The following FGD5 variants were observed in gnomAD, a reference collection of about 807,000 sequenced individuals.
FGD5 encodes FYVE, RhoGEF and PH domain-containing protein 5.
FGD5 carries 28 observed loss-of-function variants against 133.4 expected under a neutral mutation model. That is an observed-to-expected ratio of 0.21 (90% CI 0.16 to 0.29). The LOEUF is 0.29. Ranked by LOEUF, FGD5 falls within the 10% of genes least tolerant of loss-of-function variation. The pLI, the probability that FGD5 is intolerant of heterozygous loss-of-function variation, is 1.00. For missense variants in FGD5, 1,858 were observed against 1,895.2 expected (o/e 0.98, Z 0.36); for synonymous variants, 810 against 776.5 (o/e 1.04, Z -0.72).
chr3:14,891,002 A>G (rs1284844100), intron 4 of FGD5, among the ~76,000 whole-genome samples: 5 of 152,180 alleles, frequency 3.3e-5, no homozygotes, highest in Non-Finnish European at 7.4e-5. Context: ...CCTATCTAGC[A>G]TCTGGGCTTG....
chr3:14,921,784 C>T (rs2038684820), intron 13 of FGD5, 134 bp from the exon 14 acceptor site: 4 of 771,368 alleles, frequency 5.2e-6, no homozygotes, highest in South Asian at 1.6e-5. Flanking sequence ...GTGATCTCTT[C>T]TTTGCTGGTG....
chr3:14,898,899 A>G, intron 7 of FGD5, 73 bp downstream of exon 7: 1 of 1,355,268 alleles, frequency 7.4e-7, no homozygotes, highest in Non-Finnish European at 1.0e-6. Context: ...GGTGGAGGGG[A>G]CTGTGGTGAC....
At chr3:14,840,208 G>A (rs957487225) in intron 1 of FGD5, among the ~76,000 whole-genome samples, 1 of 151,424 alleles carries the variant, frequency 6.6e-6, no homozygotes, top group Admixed American at 6.6e-5. Context: ...GCAGTGGTGC[G>A]ATCTCAGCTT....
In FGD5 at chr3:14,900,986, T is replaced by G; in HGVS notation, c.3206-17T>G. 1 of 1,614,004 alleles carries G rather than the reference T, an allele frequency of 6.2e-7. No individual in the cohort carries two copies. The highest frequency in any genetic ancestry group is 8.5e-7 in the Non-Finnish European group (1 of 1,179,860). On this transcript the variant is annotated splice_polypyrimidine_tract_variant and intron_variant, in intron 8 of 19. Coordinates refer to ENST00000285046, the MANE Select transcript of FGD5 (RefSeq NM_152536.4). ...CCTCTTGCAATGGCCCAACTCCTGC[T>G]CTGTGTCCCTCCCCAGGTGCACTGA... is the stretch of plus-strand genomic sequence containing the variant.
chr3:14,866,967 C>G (rs930612406), intron 2 of FGD5, among the ~76,000 whole-genome samples: 3 of 152,200 alleles, frequency 2.0e-5, no homozygotes, highest in Admixed American at 2.0e-4. Flanking sequence ...TCCAGCAGGT[C>G]AGTTCACTCA....
chr3:14,929,895 A>G (rs1458796090), intron 18 of FGD5, among the ~76,000 whole-genome samples: 3 of 152,170 alleles, frequency 2.0e-5, no homozygotes. Context: ...GTTTCCTTTT[A>G]TGACTGTTGC....
intron 4 of FGD5, among the ~76,000 whole-genome samples, chr3:14,881,547 C>T (rs952564813): frequency 3.9e-5 from 6 of 152,158 alleles, no homozygotes; most frequent in East Asian, 1.9e-4. Context: ...CATAGCGAAG[C>T]GTGAGAAGAG....
chr3:14,818,870 G>A (rs1055710273), upstream of FGD5: 121 of 1,360,372 alleles, frequency 8.9e-5, no homozygotes, highest in African/African-American at 1.5e-3. Context: ...CATCTGTGGC[G>A]TCCCCTGCAA....
chr3:14,869,511 G>A (rs2037563885), intron 2 of FGD5, among the ~76,000 whole-genome samples: 1 of 152,138 alleles, frequency 6.6e-6, no homozygotes, highest in South Asian at 2.1e-4. Flanking sequence ...ACATTACATT[G>A]CCATGCAGCC....
At chr3:14,817,496 T>C (rs1368651271), upstream of FGD5, among the ~76,000 whole-genome samples, 1 of 152,196 alleles carries the variant, frequency 6.6e-6, no homozygotes, top group Non-Finnish European at 1.5e-5. Context: ...GCACCCAGCC[T>C]TACCTATTTA....
intron 17 of FGD5, among the ~76,000 whole-genome samples, chr3:14,925,100 C>CAAA (rs10714568): frequency 4.5e-4 from 32 of 71,802 alleles, no homozygotes; most frequent in Non-Finnish European, 6.3e-4. Flanking sequence ...GACTCTGTCT[C>CAAA]AAAAAAAAAA....
chr3:14,825,268 T>G (rs1316712814), intron 1 of FGD5, among the ~76,000 whole-genome samples: 1 of 152,212 alleles, frequency 6.6e-6, no homozygotes, highest in Non-Finnish European at 1.5e-5. Flanking sequence ...GTCCATTTTT[T>G]TCAATGGTAT....
At chr3:14,822,629 A>G (rs1293918949) in intron 1 of FGD5, among the ~76,000 whole-genome samples, 2 of 152,162 alleles carry the variant, frequency 1.3e-5, no homozygotes, top group Non-Finnish European at 2.9e-5. Context: ...GATAATTGCC[A>G]AATCTTGCCA....
intron 1 of FGD5, among the ~76,000 whole-genome samples, chr3:14,861,025 A>G (rs1035254955): frequency 1.3e-5 from 2 of 152,190 alleles, no homozygotes; most frequent in African/African-American, 2.4e-5. Context: ...AGAATACAGC[A>G]TATGACCTCA....
chr3:14,898,174 G>C (rs2038172622), intron 6 of FGD5, 79 bp downstream of exon 6: 1 of 1,551,512 alleles, frequency 6.4e-7, no homozygotes, highest in African/African-American at 1.4e-5. Context: ...GCAAATCAGT[G>C]GGACATCTTG....
In FGD5 at chr3:14,820,106, C is replaced by T. The variant is rs2036453563; in HGVS notation, c.1035C>T (p.Ser345=). Residue 345 remains serine, a synonymous_variant, in exon 1 of 20, where the codon AGC becomes AGT. Coordinates refer to ENST00000285046, the MANE Select transcript of FGD5 (RefSeq NM_152536.4). ...ACTTCGTGACTTCCCTCACAGGAAG[C>T]CCCTATGAGTTCTTCCCAACTGAGA... ...MEDFVTSLTG[S]PYEFFPTEST... 1 of 1,613,924 alleles carries T rather than the reference C, an allele frequency of 6.2e-7. No individual in the cohort carries two copies. Among genetic ancestry groups the T allele is most frequent in the South Asian group, 1.1e-5 (1 of 91,086 alleles).
At chr3:14,865,196 G>A (rs1417863806) in intron 2 of FGD5, among the ~76,000 whole-genome samples, 4 of 127,310 alleles carry the variant, frequency 3.1e-5, no homozygotes, top group South Asian at 2.7e-4. Context: ...CCCTTCGCCC[G>A]CTTCCCAGCA....
chr3:14,882,052 G>C (rs370544226), intron 4 of FGD5, among the ~76,000 whole-genome samples: 1 of 152,136 alleles, frequency 6.6e-6, no homozygotes, highest in Non-Finnish European at 1.5e-5. Context: ...TGGTGCTCTC[G>C]GCCCCTCATT....
chr3:14,815,627 A>C (rs1233089538), upstream of FGD5, among the ~76,000 whole-genome samples: 1 of 152,200 alleles, frequency 6.6e-6, no homozygotes, highest in Non-Finnish European at 1.5e-5. Flanking sequence ...CTTTTTGGTC[A>C]GTTAGTAGTT....
Sources: allele counts gnomAD v4.1 joint callset (sites outside exome capture counted in the v4.1 genomes callset), GRCh38; gene constraint gnomAD v4.1.1; transcripts MANE v1.5; gene names NCBI Gene and HGNC (gene_info 2026-07-23, HGNC 2026-07-21).